Variants in DSG1 observed in about 807,000 individuals in gnomAD.
The protein encoded by DSG1 is desmoglein-1.
A neutral mutation model predicts 97.5 loss-of-function variants in DSG1; 39 were observed. That is an observed-to-expected ratio of 0.40 (90% CI 0.31 to 0.52). DSG1 has a LOEUF of 0.52. Ranked by LOEUF, DSG1 falls within the 20% of genes least tolerant of loss-of-function variation. The pLI, the probability that DSG1 is intolerant of heterozygous loss-of-function variation, is 0.53. For missense variants in DSG1, 1,311 were observed against 1,295.4 expected (o/e 1.01, Z -0.18); for synonymous variants, 475 against 443.4 (o/e 1.07, Z -0.90).
intron 5 of DSG1, among the ~76,000 whole-genome samples, chr18:31,330,274 C>T (rs112070686): frequency 1.3e-5 from 2 of 152,162 alleles, no homozygotes; most frequent in African/African-American, 4.8e-5. Flanking sequence ...TAGAAGAGTC[C>T]TAACAAGAAA....
chr18:31,323,657 A>G (rs10438930), intron 1 of DSG1, among the ~76,000 whole-genome samples: 60,614 of 152,004 alleles, frequency 0.4, 13,308 homozygotes, highest in Non-Finnish European at 0.49. Flanking sequence ...AAATGCTACT[A>G]TCTTGTCCCT....
rs907313041 is a variant in DSG1, at chr18:31,358,540, G to A, written c.*3194G>A. On this transcript the variant is annotated 3_prime_UTR_variant, in exon 15 of 15. Transcript: ENST00000257192. ...AAAATTACATTTTTTACTCTAGTAAGTAGATGTTTTTAGTTATCTGGCAAT... is the reference window on the plus strand; with the variant it reads ...AAAATTACATTTTTTACTCTAGTAAATAGATGTTTTTAGTTATCTGGCAAT... Among the ~76,000 whole-genome samples the A allele has an allele frequency of 1.3e-5, 2 of 151,952 alleles. No homozygotes were observed. Among genetic ancestry groups the A allele is most frequent in the South Asian group, 4.1e-4 (2 of 4,826 alleles).
At chr18:31,350,586 T>A (rs369924037) in intron 14 of DSG1, among the ~76,000 whole-genome samples, 8,353 of 149,110 alleles carry the variant, frequency 0.056, 303 homozygotes, top group Middle Eastern at 0.17. Flanking sequence ...CGGCTGTGAA[T>A]CCATCTGGTC....
rs1323767933 is a variant in DSG1, at chr18:31,355,699, C to G, written c.*353C>G. The G allele has an allele frequency of 7.2e-6, 2 of 276,054 alleles. No homozygotes were observed. Among genetic ancestry groups the G allele is most frequent in the Non-Finnish European group, 1.4e-5 (2 of 142,146 alleles). 17.1% of individuals were successfully genotyped at this position (276,054 alleles called of 1,614,324 possible). ...TTTTCCATATAGCTCGAGCAAAATTCAAAAAGAACTAAATATGCAATATAT... is the reference window on the plus strand; with the variant it reads ...TTTTCCATATAGCTCGAGCAAAATTGAAAAAGAACTAAATATGCAATATAT... On this transcript the variant is annotated 3_prime_UTR_variant, in exon 15 of 15. Transcript: ENST00000257192.
Position 31,328,341 on chromosome 18 carries a change from C to T in DSG1, c.369C>T (p.Phe123=), listed in dbSNP as rs138672131. ...SIVDREVTPF[F]IIYCRALNSM... ...TTGATCGAGAGGTCACTCCTTTCTT[C>T]ATTGTAAGTGGACTTCATGTCAATA... The change falls in exon 4 of 15, where the codon TTC becomes TTT. Residue 123 remains phenylalanine (F), a synonymous_variant. Coordinates refer to ENST00000257192, the MANE Select transcript of DSG1 (RefSeq NM_001942.4). 4.5e-4 allele frequency: 724 copies of T among 1,612,408 alleles called. 2 individuals carry two copies. In the African/African-American group the frequency reaches 8.3e-3, roughly 19 times the overall value.
chr18:31,334,707 G>A (rs76738305), intron 8 of DSG1, among the ~76,000 whole-genome samples: 2,329 of 152,200 alleles, frequency 0.015, 62 homozygotes, highest in African/African-American at 0.052. Context: ...CCATCTCACT[G>A]TGGCTGCTGA....
chr18:31,337,362 T>C lies in DSG1; in HGVS notation c.1265+749T>C, dbSNP rs144945025. Among the ~76,000 whole-genome samples, 18 of 152,268 alleles carry C rather than the reference T, an allele frequency of 1.2e-4. No homozygotes were observed. In the East Asian group the frequency reaches 3.5e-3, roughly 29 times the overall value. On this transcript the variant is annotated intron_variant, in intron 9 of 14. Coordinates refer to ENST00000257192, the MANE Select transcript of DSG1 (RefSeq NM_001942.4). ...ACCTCTGCCTCCCGGGTTCACGCGA[T>C]TCTCCTCCCTCAGCCTCCCAAGTAG...
Position 31,343,704 on chromosome 18 carries a change from G to A in DSG1, c.1821+121G>A, listed in dbSNP as rs75311190. 57 of 1,455,726 alleles carry A rather than the reference G, an allele frequency of 3.9e-5. No homozygotes were observed. In the African/African-American group the frequency reaches 6.8e-4, roughly 17 times the overall value. The allele number at this position is 1,455,726 out of a possible 1,614,324, so 90.2% of individuals were successfully genotyped here. A position where few individuals can be genotyped will look rare whatever the true frequency, so the allele number is the denominator to read the frequency against. On this transcript the variant is annotated intron_variant, in intron 12 of 14. Transcript: ENST00000257192. ...TGTTTTTTGTGCTGAGAAAGCTAAT[G>A]GAGAAAATGAAGAGGAATCAGAAAC...
In DSG1 at chr18:31,354,844, T is replaced by C; in HGVS notation, c.2648T>C (p.Met883Thr). ...SGADLHGMLE[M>T]PDLRDGSNVI... ...GCTGATTTGCATGGAATGTTAGAGA[T>C]GCCTGACTTGCGAGATGGGTCGAAT... Residue 883 changes from methionine (M) to threonine (T), a missense_variant, in exon 15 of 15, where the codon ATG becomes ACG. By Grantham distance (81) the Met-to-Thr change is moderately conservative. Transcript: ENST00000257192. The C allele has an allele frequency of 6.2e-7, 1 of 1,614,140 alleles. No homozygotes were observed. The highest frequency in any genetic ancestry group is 8.5e-7 in the Non-Finnish European group (1 of 1,180,012).
rs2071974699 is a variant in DSG1, at chr18:31,358,185, T to A, written c.*2839T>A. On this transcript the variant is annotated 3_prime_UTR_variant, in exon 15 of 15. Transcript: ENST00000257192. ...GTTTGAAAACAAACCACAATGTTTA[T>A]AAAATATCTATCTGACTGTCTAAAG... Among the ~76,000 whole-genome samples the A allele has an allele frequency of 6.6e-6, 1 of 152,010 alleles. No homozygotes were observed. Among genetic ancestry groups the A allele is most frequent in the Non-Finnish European group, 1.5e-5 (1 of 67,884 alleles).
intron 4 of DSG1, among the ~76,000 whole-genome samples, chr18:31,328,562 T>C (rs2071701134): frequency 6.6e-6 from 1 of 152,156 alleles, no homozygotes; most frequent in African/African-American, 2.4e-5. Context: ...ACCTCTATAC[T>C]GTCCTCATTG....
chr18:31,333,540 AAAGGCTGTCTACG>A, intron 6 of DSG1, 36 bp from the exon 7 acceptor site: 1 of 1,612,648 alleles, frequency 6.2e-7, no homozygotes, highest in Non-Finnish European at 8.5e-7. Flanking sequence ...AAGACAAAGT[AAAGGCTGTCTACG>A]TCAAGTGTGA....
At chr18:31,341,744 A>AAT (rs1365260181) in intron 11 of DSG1, among the ~76,000 whole-genome samples, 16 of 144,048 alleles carry the variant, frequency 1.1e-4, no homozygotes, top group Non-Finnish European at 9.0e-5. Context: ...TATAACATAA[A>AAT]ATACATATGA....
chr18:31,320,297 A>C lies in DSG1; in HGVS notation c.48+1949A>C, dbSNP rs530540386. Among the ~76,000 whole-genome samples, 301 of 152,274 alleles carry C rather than the reference A, an allele frequency of 2.0e-3. 1 individual carries two copies. The highest frequency in any genetic ancestry group is 3.1e-3 in the Non-Finnish European group (211 of 68,006). ...GCATGCTTTTACCAAAAAATGAAAAAAAATTTATGTAAAGTCTTTATATTC... is the reference window on the plus strand; with the variant it reads ...GCATGCTTTTACCAAAAAATGAAAACAAATTTATGTAAAGTCTTTATATTC... On this transcript the variant is annotated intron_variant, in intron 1 of 14. Coordinates refer to ENST00000257192, the MANE Select transcript of DSG1 (RefSeq NM_001942.4).
At position 31,339,814 on chromosome 18, in the gene DSG1, T is replaced by G; in HGVS notation, c.1476T>G (p.Thr492=). 6.2e-7 allele frequency: 1 copy of G among 1,613,478 alleles called. No individual in the cohort carries two copies. Among genetic ancestry groups the G allele is most frequent in the Non-Finnish European group, 8.5e-7 (1 of 1,179,442 alleles). ...NIQSFGNDDR[T]NTEPNTKITT... ...AAAGTTTTGGTAATGACGACAGGACTAATACAGAGCCGAACACTAAAATTA... is the reference window on the plus strand; with the variant it reads ...AAAGTTTTGGTAATGACGACAGGACGAATACAGAGCCGAACACTAAAATTA... The change falls in exon 11 of 15, where the codon ACT becomes ACG. Residue 492 remains threonine, a synonymous_variant. Coordinates refer to ENST00000257192, the MANE Select transcript of DSG1 (RefSeq NM_001942.4).
chr18:31,337,716 C>CAGAG (rs140498330), intron 9 of DSG1, among the ~76,000 whole-genome samples: 1 of 150,732 alleles, frequency 6.6e-6, no homozygotes, highest in Non-Finnish European at 1.5e-5. Flanking sequence ...AGCAGAATGC[C>CAGAG]AGAGAGAGAG....
Position 31,334,062 on chromosome 18 carries a change from G to A in DSG1, c.865G>A (p.Glu289Lys), listed in dbSNP as rs377729186. 2.0e-5 allele frequency: 33 copies of A among 1,610,814 alleles called. No individual in the cohort carries two copies. The highest frequency in any genetic ancestry group is 6.6e-5 in the South Asian group (6 of 90,962). ...AAATACTCTAAATTCAAATTTGCTC[G>A]AGATTAGAGTAATTGATTTGGATGA... ...QENTLNSNLL[E>K]IRVIDLDEEF... Residue 289 changes from glutamate to lysine, a missense_variant, in exon 8 of 15, where the codon GAG becomes AAG. Physicochemically the swap from Glu to Lys is moderately conservative, Grantham distance 56. This residue lies in a region of DSG1 where 1,038 missense variants were observed against 964.6 expected (regional missense o/e 1.08). Coordinates refer to ENST00000257192, the MANE Select transcript of DSG1 (RefSeq NM_001942.4).
chr18:31,338,859 A>G (rs1008098588), intron 10 of DSG1, among the ~76,000 whole-genome samples: 1 of 152,168 alleles, frequency 6.6e-6, no homozygotes, highest in Non-Finnish European at 1.5e-5. Context: ...TATCATATAG[A>G]CTAGATTTAA....
Position 31,356,634 on chromosome 18 carries a change from A to T in DSG1, c.*1288A>T, listed in dbSNP as rs1016915615. The stretch of plus-strand genomic sequence containing the variant: ...GCAGAATTGACAATATGGTGTTGAT[A>T]AGCATGAAATAATAATAGAAACCTA... On this transcript the variant is annotated 3_prime_UTR_variant, in exon 15 of 15. Coordinates refer to ENST00000257192, the MANE Select transcript of DSG1 (RefSeq NM_001942.4). 74 of 152,188 alleles carry T rather than the reference A, an allele frequency of 4.9e-4. No homozygotes were observed. Among genetic ancestry groups the T allele is most frequent in the African/African-American group, 1.8e-3 (73 of 41,448 alleles). The allele number at this position is 152,188 out of a possible 1,614,324, so 9.4% of individuals were successfully genotyped here. A position where few individuals can be genotyped will look rare whatever the true frequency, so the allele number is the denominator to read the frequency against.
Sources: gnomAD v4.1 joint callset for allele counts (sites outside exome capture counted in the v4.1 genomes callset) on GRCh38, gnomAD v4.1.1 for gene constraint, gnomAD v4.1.1 regional missense constraint, MANE v1.5 for transcripts, NCBI Gene and HGNC (gene_info 2026-07-23, HGNC 2026-07-21) for gene names.